Variants in STT3B observed in about 807,000 individuals in gnomAD.
STT3B encodes dolichyl-diphosphooligosaccharide--protein glycosyltransferase subunit STT3B.
In STT3B, 29 loss-of-function variants were observed where a neutral mutation model predicts 96.8. The ratio of observed to expected loss-of-function variants is 0.30; its 90% CI spans 0.22 to 0.41. The LOEUF is 0.41. Ranked by LOEUF, STT3B falls within the 10% of genes least tolerant of loss-of-function variation. The pLI is 1.00. For synonymous variants in STT3B, 367 were observed against 360.0 expected (o/e 1.02, Z -0.22); for missense variants, 640 against 1,022.3 (o/e 0.63, Z 5.10).
intron 1 of STT3B, among the ~76,000 whole-genome samples, chr3:31,558,134 G>A (rs1395027072): frequency 1.3e-5 from 2 of 152,204 alleles, no homozygotes; most frequent in East Asian, 3.8e-4. Flanking sequence ...AAGTGGGACA[G>A]TTTAGCTTTC....
intron 3 of STT3B, among the ~76,000 whole-genome samples, chr3:31,591,750 T>TA (rs1698669446): frequency 6.6e-6 from 1 of 152,178 alleles, no homozygotes; most frequent in African/African-American, 2.4e-5. Flanking sequence ...AACTTACACT[T>TA]ATTAAATTAA....
intron 9 of STT3B, chr3:31,620,286 A>AAG (rs1322755915): frequency 6.4e-6 from 1 of 155,216 alleles, no homozygotes; most frequent in Non-Finnish European, 1.4e-5. Flanking sequence ...AAAAAAAAAA[A>AAG]AAAAAGAAAA....
At position 31,533,159 on chromosome 3, in the gene STT3B, C is replaced by T. The variant is rs900382616; in HGVS notation, c.161C>T (p.Ala54Val). 1 of 1,301,234 alleles carries T rather than the reference C, an allele frequency of 7.7e-7. No individual in the cohort carries two copies. Among genetic ancestry groups the T allele is most frequent in the Non-Finnish European group, 9.8e-7 (1 of 1,023,930 alleles). 80.6% of individuals were successfully genotyped at this position (1,301,234 alleles called of 1,614,324 possible). Residue 54 changes from alanine (A) to valine (V), a missense_variant, in exon 1 of 16, where the codon GCC (alanine) becomes GTC (valine). Physicochemically the swap from Ala to Val is moderately conservative, Grantham distance 64. Coordinates refer to ENST00000295770, the MANE Select transcript of STT3B (RefSeq NM_178862.3). ...GGCGGCGCGGCGCCGCCGAAGCCGG[C>T]CCCGGCGGGGCTGTCCGGGGGGCTG... Reference protein sequence around the residue: ...AAGGAAPPKPAPAGLSGGLSQ... With the variant: ...AAGGAAPPKPVPAGLSGGLSQ...
chr3:31,608,189 G>A (rs1439828519), intron 5 of STT3B, among the ~76,000 whole-genome samples: 2 of 152,192 alleles, frequency 1.3e-5, no homozygotes, highest in Non-Finnish European at 2.9e-5. Context: ...CAGGCAAACG[G>A]GACTACAATA....
chr3:31,622,477 C>T (rs1006797552), intron 10 of STT3B, among the ~76,000 whole-genome samples, 169 bp downstream of exon 10: 1 of 152,156 alleles, frequency 6.6e-6, no homozygotes, highest in African/African-American at 2.4e-5. Context: ...CCTGGTCAGT[C>T]CTTTAGCTCA....
chr3:31,577,076 AAT>A (rs1328645659), intron 2 of STT3B, among the ~76,000 whole-genome samples: 4 of 152,128 alleles, frequency 2.6e-5, no homozygotes, highest in Non-Finnish European at 5.9e-5. Flanking sequence ...GTATCGGAGA[AAT>A]ATATGTTTGA....
At chr3:31,585,839 T>G (rs4309766) in intron 3 of STT3B, among the ~76,000 whole-genome samples, 4,785 of 152,248 alleles carry the variant, frequency 0.031, 265 homozygotes, top group African/African-American at 0.11. Flanking sequence ...TATTGCTGAA[T>G]AGTACTCCAT....
chr3:31,597,740 A>G (rs2125462167), intron 4 of STT3B, among the ~76,000 whole-genome samples: 1 of 152,226 alleles, frequency 6.6e-6, no homozygotes, highest in South Asian at 2.1e-4. Flanking sequence ...ATTATAGGCA[A>G]GAGCTGCCGT....
chr3:31,558,636 TGTA>T (rs1192703350), intron 1 of STT3B, among the ~76,000 whole-genome samples: 11 of 152,226 alleles, frequency 7.2e-5, no homozygotes, highest in East Asian at 3.8e-4. Flanking sequence ...TTTAGCCAGT[TGTA>T]GTATCCTTGT....
rs552482945 is a variant in STT3B at position 31,564,301 on chromosome 3, C to T, written c.315-12095C>T. ...AAAATAGTTCAGAGGAGCTTTAACA[C>T]ATATTTTATTAACTTTACTATATAT... is the stretch of plus-strand genomic sequence containing the variant. On this transcript the variant is annotated intron_variant, in intron 1 of 15. Coordinates refer to ENST00000295770, the MANE Select transcript of STT3B (RefSeq NM_178862.3). 2.0e-5 allele frequency among the ~76,000 whole-genome samples: 3 copies of T among 152,244 alleles called. No homozygotes were observed. The South Asian group carries it at 6.2e-4, about 32-fold the overall frequency.
Position 31,579,869 on chromosome 3 carries a change from A to G in STT3B, c.484A>G (p.Ile162Val), listed in dbSNP as rs140306636. ...TCATTGGATTTTAAATACATTGAAC[A>G]TAACTGTTCACATAAGAGACGTATG... Reference protein sequence around the residue: ...LIHWILNTLNITVHIRDVCVF... With the variant: ...LIHWILNTLNVTVHIRDVCVF... Residue 162 changes from isoleucine (I) to valine (V), a missense_variant, in exon 3 of 16, where the codon ATA (isoleucine) becomes GTA (valine). Coordinates refer to ENST00000295770, the MANE Select transcript of STT3B (RefSeq NM_178862.3). 8.1e-6 allele frequency: 13 copies of G among 1,613,760 alleles called. No homozygotes were observed. Among genetic ancestry groups the G allele is most frequent in the Middle Eastern group, 1.6e-4 (1 of 6,082 alleles).
intron 1 of STT3B, among the ~76,000 whole-genome samples, chr3:31,571,242 G>C (rs1298085715): frequency 2.6e-5 from 4 of 151,520 alleles, no homozygotes; most frequent in African/African-American, 9.7e-5. Context: ...TAGTCTTAAG[G>C]GGGGAAAAGG....
rs145941469 is a variant in STT3B, at chr3:31,579,647, G to C, written c.424-162G>C. On this transcript the variant is annotated intron_variant, in intron 2 of 15. Transcript: ENST00000295770. Reference sequence around the variant, plus strand: ...AGTTCTTTGTATGCAACACAAAAAGGTGTGGGTTTTTTTTTGTAGTTTATA... The same window carrying C: ...AGTTCTTTGTATGCAACACAAAAAGCTGTGGGTTTTTTTTTGTAGTTTATA... Among the ~76,000 whole-genome samples the C allele has an allele frequency of 1.3e-3, 196 of 151,962 alleles. 1 individual carries two copies. Among genetic ancestry groups the C allele is most frequent in the African/African-American group, 4.4e-3 (183 of 41,472 alleles).
chr3:31,622,948 ATAAAT>A (rs1041898947), intron 10 of STT3B, among the ~76,000 whole-genome samples: 1 of 152,206 alleles, frequency 6.6e-6, no homozygotes, highest in Non-Finnish European at 1.5e-5. Flanking sequence ...TAAAATACTA[ATAAAT>A]TAAACTTCCC....
chr3:31,587,851 C>T (rs1273404911), intron 3 of STT3B, among the ~76,000 whole-genome samples: 1 of 152,110 alleles, frequency 6.6e-6, no homozygotes, highest in Non-Finnish European at 1.5e-5. Flanking sequence ...TCCCATGTGA[C>T]TGACAGTGTC....
chr3:31,625,106 A>G (rs1699507601), intron 12 of STT3B, 21 bp downstream of exon 12: 1 of 1,599,792 alleles, frequency 6.3e-7, no homozygotes, highest in African/African-American at 1.3e-5. Context: ...ACTAAATACA[A>G]GGTTAAAAAA....
rs188724794 is a variant in STT3B, at chr3:31,613,319, T to C, written c.878-1786T>C. Among the ~76,000 whole-genome samples the C allele has an allele frequency of 6.4e-3, 968 of 152,262 alleles. 6 individuals carry two copies. The highest frequency in any genetic ancestry group is 8.9e-3 in the Non-Finnish European group (605 of 67,956). ...ACAGCATTCAGTGTTTATTTGTACT[T>C]AGAAGAAAGAAATCCAGCTTCAGAA... On this transcript the variant is annotated intron_variant, in intron 5 of 15. Coordinates refer to ENST00000295770, the MANE Select transcript of STT3B (RefSeq NM_178862.3).
chr3:31,633,680 T>TAATA lies in STT3B; in HGVS notation c.2400+534_2400+537dup, dbSNP rs559236159. On this transcript the variant is annotated intron_variant, in intron 15 of 15. Transcript: ENST00000295770. ...TTATGAGACTACTGCAATTCTTTTCTAATATTATATAAGATATGAAGTATT... is the reference window on the plus strand; with the variant it reads ...TTATGAGACTACTGCAATTCTTTTCTAATAAATATTATATAAGATATGAAGTATT... Among the ~76,000 whole-genome samples, 186 of 152,302 alleles carry TAATA rather than the reference T, an allele frequency of 1.2e-3. 2 individuals carry two copies. Among genetic ancestry groups the TAATA allele is most frequent in the Middle Eastern group, 6.8e-3 (2 of 294 alleles).
intron 2 of STT3B, among the ~76,000 whole-genome samples, chr3:31,577,784 T>C (rs62234752): frequency 0.55 from 83,553 of 152,016 alleles, 25,941 homozygotes; most frequent in Non-Finnish European, 0.71. Flanking sequence ...ATTAAATGGG[T>C]AGTACATACG....
Sources: gnomAD v4.1 joint callset for allele counts (sites outside exome capture counted in the v4.1 genomes callset) on GRCh38, gnomAD v4.1.1 for gene constraint, MANE v1.5 for transcripts, NCBI Gene and HGNC (gene_info 2026-07-23, HGNC 2026-07-21) for gene names.